The following LRRTM4 variants were observed in gnomAD, a reference collection of about 807,000 sequenced individuals.
LRRTM4 encodes the protein leucine-rich repeat transmembrane neuronal protein 4.
In LRRTM4, 25 loss-of-function variants were observed where a neutral mutation model predicts 47.6. The ratio of observed to expected loss-of-function variants is 0.53; its 90% CI spans 0.38 to 0.73. LRRTM4 has a LOEUF of 0.73. Ranked by LOEUF, LRRTM4 falls within the 30% of genes least tolerant of loss-of-function variation. The pLI is 0.00. For missense variants in LRRTM4, 638 were observed against 713.4 expected, an observed-to-expected ratio of 0.89 and a Z score of 1.20; for synonymous variants, 311 against 269.5, an observed-to-expected ratio of 1.15 and a Z score of -1.51.
chr2:76,893,312 C>A (rs1169661019), intron 3 of LRRTM4, among the ~76,000 whole-genome samples: 1 of 151,552 alleles, frequency 6.6e-6, no homozygotes, highest in Admixed American at 6.6e-5. Flanking sequence ...AAAATGGCAA[C>A]TTTCCAAGAA....
chr2:76,760,939 G>C (rs1652092802), intron 3 of LRRTM4, among the ~76,000 whole-genome samples: 2 of 152,272 alleles, frequency 1.3e-5, no homozygotes, highest in South Asian at 4.1e-4. Flanking sequence ...CTCAGTCCTG[G>C]CTGCAACTTT....
At chr2:76,910,052 T>C (rs966670018) in intron 3 of LRRTM4, among the ~76,000 whole-genome samples, 2 of 152,132 alleles carry the variant, frequency 1.3e-5, no homozygotes, top group Non-Finnish European at 2.9e-5. Flanking sequence ...AACACGTATG[T>C]TTATTGTGGC....
At chr2:77,021,363 G>A (rs922654313) in intron 3 of LRRTM4, among the ~76,000 whole-genome samples, 1 of 152,048 alleles carries the variant, frequency 6.6e-6, no homozygotes, top group Non-Finnish European at 1.5e-5. Flanking sequence ...AACACACCAG[G>A]ATTAAGTGTT....
chr2:76,990,490 G>A (rs1417185757), intron 3 of LRRTM4, among the ~76,000 whole-genome samples: 1 of 151,634 alleles, frequency 6.6e-6, no homozygotes, highest in African/African-American at 2.4e-5. Flanking sequence ...GAAAGAGCAG[G>A]GGTCACTACC....
At chr2:77,129,242 G>A (rs1173255209) in intron 3 of LRRTM4, among the ~76,000 whole-genome samples, 1 of 152,106 alleles carries the variant, frequency 6.6e-6, no homozygotes, top group East Asian at 1.9e-4. Flanking sequence ...TTTGGTGTAA[G>A]GCATTGCCTA....
intron 3 of LRRTM4, among the ~76,000 whole-genome samples, chr2:77,068,785 T>C (rs1480030829): frequency 6.6e-6 from 1 of 152,184 alleles, no homozygotes; most frequent in Non-Finnish European, 1.5e-5. Flanking sequence ...AAACTGGCCA[T>C]AAACAAAATC....
chr2:77,134,984 T>C (rs1057442099), intron 3 of LRRTM4, among the ~76,000 whole-genome samples: 2 of 131,518 alleles, frequency 1.5e-5, no homozygotes, highest in East Asian at 4.7e-4. Flanking sequence ...GAACACCCAA[T>C]ACCTTCTGAG....
At chr2:77,161,825 T>C (rs1006882319) in intron 3 of LRRTM4, among the ~76,000 whole-genome samples, 1 of 152,188 alleles carries the variant, frequency 6.6e-6, no homozygotes. Flanking sequence ...TGAGTTCCAA[T>C]GCAAATGATT....
At chr2:77,161,757 T>C (rs1373218824) in intron 3 of LRRTM4, among the ~76,000 whole-genome samples, 2 of 151,758 alleles carry the variant, frequency 1.3e-5, no homozygotes. Flanking sequence ...AAACTCTTAA[T>C]TTTTTTTTCT....
intron 3 of LRRTM4, among the ~76,000 whole-genome samples, chr2:76,979,583 G>T (rs951228576): frequency 1.4e-4 from 16 of 114,630 alleles, no homozygotes; most frequent in African/African-American, 6.2e-4. Flanking sequence ...TATAGAGAGA[G>T]GAAGCATAAA....
At chr2:76,971,994 GA>G (rs1676235614) in intron 3 of LRRTM4, among the ~76,000 whole-genome samples, 1 of 152,056 alleles carries the variant, frequency 6.6e-6, no homozygotes, top group African/African-American at 2.4e-5. Context: ...CAGGGGAGCA[GA>G]AGCCTTTATT....
intron 3 of LRRTM4, among the ~76,000 whole-genome samples, chr2:77,135,756 A>C (rs72911859): frequency 6.6e-6 from 1 of 152,130 alleles, no homozygotes; most frequent in Non-Finnish European, 1.5e-5. Context: ...TTGAAGGCTT[A>C]AAAAATATCT....
chr2:77,204,521 T>C (rs1674066045), intron 3 of LRRTM4, among the ~76,000 whole-genome samples: 1 of 152,134 alleles, frequency 6.6e-6, no homozygotes. Context: ...GCCAGGTGGA[T>C]ACTTAACTTC....
intron 3 of LRRTM4, among the ~76,000 whole-genome samples, chr2:77,318,156 G>C (rs953955319): frequency 1.8e-4 from 28 of 151,766 alleles, no homozygotes; most frequent in African/African-American, 6.5e-4. Context: ...ACAGGCGCCC[G>C]CCACCACGCC....
intron 3 of LRRTM4, among the ~76,000 whole-genome samples, chr2:77,253,883 A>G (rs1675690092): frequency 1.3e-5 from 2 of 152,154 alleles, no homozygotes; most frequent in African/African-American, 2.4e-5. Flanking sequence ...ATTACAAAAG[A>G]TCTAACATTC....
At chr2:77,323,450 A>C (rs921225516) in intron 3 of LRRTM4, among the ~76,000 whole-genome samples, 2 of 152,094 alleles carry the variant, frequency 1.3e-5, no homozygotes, top group African/African-American at 4.8e-5. Flanking sequence ...CCTACGTTTG[A>C]ACTTTTCTGT....
At chr2:77,396,809 G>A (rs1016417320) in intron 3 of LRRTM4, among the ~76,000 whole-genome samples, 2 of 151,888 alleles carry the variant, frequency 1.3e-5, no homozygotes, top group Non-Finnish European at 2.9e-5. Flanking sequence ...TGCTGATAGA[G>A]TGTTGAGCAA....
intron 3 of LRRTM4, among the ~76,000 whole-genome samples, chr2:77,409,112 A>C (rs1434535864): frequency 1.3e-5 from 2 of 152,194 alleles, no homozygotes; most frequent in African/African-American, 4.8e-5. Context: ...AGAGAAAGAA[A>C]ATCTAGATAA....
rs370432625 is a variant in LRRTM4 at position 77,217,754 on chromosome 2, A to G, written c.1551+300564T>C. 2.4e-3 allele frequency among the ~76,000 whole-genome samples: 368 copies of G among 152,070 alleles called. 1 individual carries two copies. Among genetic ancestry groups the G allele is most frequent in the South Asian group, 8.3e-3 (40 of 4,820 alleles). ...GCAGTACCTAAAAATTAATTCTTTT[A>G]GCATAGTTTTTGCCAATCTCATTTT... On this transcript the variant is annotated intron_variant, in intron 3 of 3. Transcript: ENST00000409884.
Sources: gnomAD v4.1 joint callset for allele counts (sites outside exome capture counted in the v4.1 genomes callset) on GRCh38, gnomAD v4.1.1 for gene constraint, MANE v1.5 for transcripts, NCBI Gene and HGNC (gene_info 2026-07-23, HGNC 2026-07-21) for gene names.